The following GTF2I variants were observed in gnomAD, a reference collection of about 807,000 sequenced individuals.
The protein encoded by GTF2I is general transcription factor II-I.
GTF2I carries 12 observed loss-of-function variants against 67.6 expected under a neutral mutation model. The ratio of observed to expected loss-of-function variants is 0.18; its 90% CI spans 0.11 to 0.29. The LOEUF (loss-of-function observed/expected upper bound fraction) is 0.29, where lower values mean the gene tolerates loss of function less well. Ranked by LOEUF, GTF2I falls within the 10% of genes least tolerant of loss-of-function variation. GTF2I has a pLI of 1.00. For synonymous variants in GTF2I, 149 were observed against 197.0 expected (o/e 0.76, Z 2.04); for missense variants, 271 against 580.1 (o/e 0.47, Z 5.47).
intron 1 of GTF2I, among the ~76,000 whole-genome samples, chr7:74,681,991 G>A (rs1787318178): frequency 6.6e-6 from 1 of 152,146 alleles, no homozygotes; most frequent in Non-Finnish European, 1.5e-5. Flanking sequence ...TACGCATGAA[G>A]GTGCATGTGG....
At chr7:74,719,031 A>G in intron 12 of GTF2I, 90 bp downstream of exon 12, 1 of 690,188 alleles carries the variant, frequency 1.4e-6, no homozygotes, top group Non-Finnish European at 2.5e-6. Context: ...CATTTCATTC[A>G]TTTTTAAAGG....
chr7:74,685,543 G>C (rs1787636748), intron 1 of GTF2I, among the ~76,000 whole-genome samples: 2 of 151,960 alleles, frequency 1.3e-5, no homozygotes, highest in African/African-American at 4.8e-5. Flanking sequence ...AAGGTAGGTG[G>C]ATAACCTGAA....
chr7:74,704,093 A>G (rs1554400583), intron 6 of GTF2I, among the ~76,000 whole-genome samples: 1 of 152,176 alleles, frequency 6.6e-6, no homozygotes, highest in Non-Finnish European at 1.5e-5. Context: ...GTCACACAGC[A>G]TTGGTGATAG....
At chr7:74,688,001 T>G (rs1413551169) in intron 1 of GTF2I, among the ~76,000 whole-genome samples, 1 of 152,202 alleles carries the variant, frequency 6.6e-6, no homozygotes, top group Non-Finnish European at 1.5e-5. Context: ...TGTTTCAGTT[T>G]TAGAAATTTG....
At chr7:74,698,416 T>TA (rs1343549705) in intron 3 of GTF2I, among the ~76,000 whole-genome samples, 1 of 71,554 alleles carries the variant, frequency 1.4e-5, no homozygotes, top group Non-Finnish European at 2.7e-5. Context: ...TTTTTTTTTT[T>TA]AATTTAAGAG....
intron 1 of GTF2I, among the ~76,000 whole-genome samples, chr7:74,672,171 C>T (rs922050715): frequency 2.6e-5 from 4 of 151,988 alleles, no homozygotes; most frequent in Admixed American, 6.6e-5. Flanking sequence ...TATTTCTTAT[C>T]TGCTGAAGTG....
chr7:74,681,840 A>G (rs1787300316), intron 1 of GTF2I, among the ~76,000 whole-genome samples: 1 of 151,876 alleles, frequency 6.6e-6, no homozygotes. Context: ...TGAACCCAGG[A>G]GGTGGAGGTT....
At chr7:74,680,079 CAAAA>C (rs1225904374) in intron 1 of GTF2I, among the ~76,000 whole-genome samples, 513 of 30,460 alleles carry the variant, frequency 0.017, 1 homozygote, top group African/African-American at 0.043. Flanking sequence ...GAGTCCATCT[CAAAA>C]AAAAAAAAAA....
intron 1 of GTF2I, among the ~76,000 whole-genome samples, 151 bp downstream of exon 1, chr7:74,658,219 G>GA (rs1804100364): frequency 6.7e-6 from 1 of 149,994 alleles, no homozygotes; most frequent in African/African-American, 2.4e-5. Flanking sequence ...TGGGGCCTTG[G>GA]GGGGCGCCCG....
intron 14 of GTF2I, among the ~76,000 whole-genome samples, chr7:74,732,234 C>T (rs1584313850): frequency 1.3e-5 from 2 of 151,022 alleles, no homozygotes; most frequent in African/African-American, 4.9e-5. Flanking sequence ...ATTAGCTGGG[C>T]GTGGTGGCGG....
At chr7:74,725,845 C>CTTTTTTTTTTTT (rs782493121) in intron 12 of GTF2I, among the ~76,000 whole-genome samples, 2 of 139,924 alleles carry the variant, frequency 1.4e-5, no homozygotes, top group Non-Finnish European at 1.6e-5. Flanking sequence ...TTTTCTCTTT[C>CTTTTTTTTTTTT]TTTTTTTTTT....
At chr7:74,685,877 AC>A (rs1421234679) in intron 1 of GTF2I, among the ~76,000 whole-genome samples, 3 of 147,980 alleles carry the variant, frequency 2.0e-5, no homozygotes, top group Non-Finnish European at 3.0e-5. Context: ...CATGGTGAAA[AC>A]CCGTCTCTAC....
At chr7:74,700,184 G>A (rs1335334994) in intron 4 of GTF2I, 63 bp from the exon 5 acceptor site, 2 of 1,545,140 alleles carry the variant, frequency 1.3e-6, no homozygotes, top group Non-Finnish European at 1.8e-6. Context: ...CAATAAGCTA[G>A]CGATGATTTC....
chr7:74,722,701 T>C (rs781894482), intron 12 of GTF2I: 12 of 152,228 alleles, frequency 7.9e-5, no homozygotes, highest in Non-Finnish European at 1.3e-4. Context: ...TTTTGAAAGG[T>C]ATATGTAAAT....
At chr7:74,685,774 G>GA (rs1175593855) in intron 1 of GTF2I, among the ~76,000 whole-genome samples, 11 of 147,178 alleles carry the variant, frequency 7.5e-5, no homozygotes, top group East Asian at 2.0e-4. Flanking sequence ...CTTAAAAAAA[G>GA]AAAAAAAAAA....
chr7:74,664,658 G>A (rs1554387878), intron 1 of GTF2I, among the ~76,000 whole-genome samples: 1 of 151,956 alleles, frequency 6.6e-6, no homozygotes, highest in Non-Finnish European at 1.5e-5. Flanking sequence ...GTCTCAAACT[G>A]CTGACCTCAA....
chr7:74,696,331 CCTT>C (rs1230747675), intron 3 of GTF2I, among the ~76,000 whole-genome samples: 3 of 151,198 alleles, frequency 2.0e-5, no homozygotes, highest in South Asian at 2.1e-4. Context: ...ATCTAATTCT[CCTT>C]CTTCTCTTTT....
intron 1 of GTF2I, among the ~76,000 whole-genome samples, chr7:74,678,653 T>G (rs1220413712): frequency 6.6e-6 from 1 of 152,170 alleles, no homozygotes; most frequent in Non-Finnish European, 1.5e-5. Context: ...TTTAAACTAT[T>G]GTCTAAATTC....
intron 1 of GTF2I, among the ~76,000 whole-genome samples, chr7:74,669,766 T>C (rs1039421843): frequency 2.0e-5 from 3 of 152,126 alleles, no homozygotes; most frequent in African/African-American, 7.2e-5. Context: ...TTCCTGACTT[T>C]GTGATCCACT....
Sources: gnomAD v4.1 joint callset for allele counts (sites outside exome capture counted in the v4.1 genomes callset) on GRCh38, gnomAD v4.1.1 for gene constraint, MANE v1.5 for transcripts, NCBI Gene and HGNC (gene_info 2026-07-23, HGNC 2026-07-21) for gene names.